ABLIM1: variants seen among roughly 807,000 people sequenced by gnomAD.
The protein encoded by ABLIM1 is actin-binding LIM protein 1.
A neutral mutation model predicts 107.0 loss-of-function variants in ABLIM1; 40 were observed. The ratio of observed to expected loss-of-function variants is 0.37; its 90% CI spans 0.29 to 0.49. The LOEUF (loss-of-function observed/expected upper bound fraction) is 0.49. Ranked by LOEUF, ABLIM1 falls within the 20% of genes least tolerant of loss-of-function variation. The pLI is 0.97. For missense variants in ABLIM1, 857 were observed against 1,008.5 expected (o/e 0.85, Z 2.04); for synonymous variants, 357 against 357.3 (o/e 1.00, Z 0.01).
chr10:114,798,520 CCAGG>C, the ABLIM1 span, among the ~76,000 whole-genome samples: 2 of 149,534 alleles, frequency 1.3e-5, no homozygotes, highest in Non-Finnish European at 3.0e-5. Context: ...TTGCTTGAGC[CCAGG>C]AGTTCAAGAC....
rs150765816 is a variant in ABLIM1, at chr10:114,698,180, G to T, written c.-213+69881C>A. 1.3e-3 allele frequency among the ~76,000 whole-genome samples: 205 copies of T among 151,866 alleles called. 3 individuals carry two copies. Among genetic ancestry groups the T allele is most frequent in the African/African-American group, 4.6e-3 (192 of 41,430 alleles). ...AGATAATTTAAGCAACAGAAGAAAA[G>T]AACTAAATAAAAATTCAAATTGATA... On this transcript the variant is annotated intron_variant, in intron 1 of 15. Transcript: ENST00000651092.
chr10:114,769,426 A>AGAAAGAAAAGAAG (rs2082985982), upstream of ABLIM1, among the ~76,000 whole-genome samples: 1 of 10,694 alleles, frequency 9.4e-5, no homozygotes, highest in Non-Finnish European at 2.8e-4. Flanking sequence ...AAAGAAGGAA[A>AGAAAGAAAAGAAG]GAAAGAAAGA....
In ABLIM1 at chr10:114,671,925, C is replaced by T. The variant is rs191961371; in HGVS notation, c.64+12365G>A. ...CCACTCAGGCTGGAGTGCAGTGGCA[C>T]GATCATAGCTCAATGCAGCCTCCAA... On this transcript the variant is annotated intron_variant, in intron 1 of 23. Coordinates refer to the ABLIM1 transcript ENST00000369256. Among the ~76,000 whole-genome samples, 829 of 151,114 alleles carry T rather than the reference C, an allele frequency of 5.5e-3. 6 individuals are homozygous for T. Among genetic ancestry groups the T allele is most frequent in the African/African-American group, 0.019 (777 of 41,116 alleles).
At chr10:114,512,203 C>T (rs1160839179) in intron 6 of ABLIM1, among the ~76,000 whole-genome samples, 1 of 152,088 alleles carries the variant, frequency 6.6e-6, no homozygotes, top group Non-Finnish European at 1.5e-5. Context: ...TGTTTTTTTC[C>T]TGTGCGTAAA....
intron 6 of ABLIM1, among the ~76,000 whole-genome samples, chr10:114,512,897 A>C (rs1408022210): frequency 6.6e-6 from 1 of 150,446 alleles, no homozygotes; most frequent in Non-Finnish European, 1.5e-5. Flanking sequence ...GGAAGGAAGG[A>C]AGGAAGGAAG....
exon 1 of ABLIM1, chr10:114,684,605 C>T: frequency 7.7e-7 from 1 of 1,292,914 alleles, no homozygotes; most frequent in African/African-American, 1.5e-5. Context: ...CTCGACCCTG[C>T]CCCTACCACT....
intron 1 of ABLIM1, among the ~76,000 whole-genome samples, chr10:114,725,168 G>A (rs557917999): frequency 3.9e-5 from 6 of 151,924 alleles, no homozygotes; most frequent in South Asian, 2.1e-4. Flanking sequence ...ATATCCCTCC[G>A]AATTTAAAGA....
At chr10:114,542,547 GGGA>G (rs770211989) in intron 6 of ABLIM1, among the ~76,000 whole-genome samples, 110 of 151,732 alleles carry the variant, frequency 7.2e-4, no homozygotes, top group Non-Finnish European at 1.4e-3. Context: ...GGAGGGAGAA[GGGA>G]GGAGGAGGGA....
In ABLIM1 at chr10:114,453,386, A is replaced by C; in HGVS notation, c.1539T>G (p.His513Gln). The change falls in exon 13 of 23, where the codon CAT (histidine) becomes CAG (glutamine). Residue 513 changes from histidine (H) to glutamine (Q), a missense_variant. Physicochemically the swap from His to Gln is conservative, Grantham distance 24. Coordinates refer to ENST00000533213, the MANE Select transcript of ABLIM1 (RefSeq NM_002313.7). ...PTYAQAPKHFHVPDQGINIYR... is the reference protein window; with the variant it reads ...PTYAQAPKHFQVPDQGINIYR... ...GACTGTGTCAGCTCCTACCTGGAAC[A>C]TGGAAATGTTTAGGGGCCTGAGCGT... is the stretch of plus-strand genomic sequence containing the variant. 6.2e-7 allele frequency: 1 copy of C among 1,614,014 alleles called. No individual in the cohort carries two copies. The highest frequency in any genetic ancestry group is 8.5e-7 in the Non-Finnish European group (1 of 1,179,950).
the ABLIM1 span, among the ~76,000 whole-genome samples, chr10:114,782,469 A>G: frequency 1.6e-4 from 24 of 152,294 alleles, no homozygotes; most frequent in African/African-American, 5.8e-4. Flanking sequence ...CGTGAGATGG[A>G]GGGCAAGCCT....
chr10:114,541,840 A>G (rs538823784), intron 6 of ABLIM1, among the ~76,000 whole-genome samples: 2 of 152,224 alleles, frequency 1.3e-5, no homozygotes, highest in South Asian at 4.1e-4. Context: ...ATGTTCTTGG[A>G]TCTAGCTTTA....
At chr10:114,744,644 T>C (rs1044363946) in intron 1 of ABLIM1, among the ~76,000 whole-genome samples, 2 of 152,126 alleles carry the variant, frequency 1.3e-5, no homozygotes, top group African/African-American at 4.8e-5. Flanking sequence ...AGACCCTGTC[T>C]CAAAGAAAAT....
At position 114,432,724 on chromosome 10, in the gene ABLIM1, G is replaced by A. The variant is rs1005608610; in HGVS notation, c.*3536C>T. The A allele has an allele frequency of 3.3e-5, 5 of 152,210 alleles. No individual in the cohort carries two copies. The highest frequency in any genetic ancestry group is 1.3e-4 in the Admixed American group (2 of 15,282). The allele number at this position is 152,210 out of a possible 1,614,324, so 9.4% of individuals were successfully genotyped here. Reference sequence around the variant, plus strand: ...CCTCTGCCTCAGAAGAGGAAACTCAGCTTGGAGATGACAGAATTGGGTAGC... The same window carrying A: ...CCTCTGCCTCAGAAGAGGAAACTCAACTTGGAGATGACAGAATTGGGTAGC... On this transcript the variant is annotated 3_prime_UTR_variant, in exon 23 of 23. Transcript: ENST00000533213.
At position 114,444,355 on chromosome 10, in the gene ABLIM1, A is replaced by C. The variant is rs114896693; in HGVS notation, c.1828-221T>G. Among the ~76,000 whole-genome samples, 1,011 of 152,168 alleles carry C rather than the reference A, an allele frequency of 6.6e-3. 9 individuals carry two copies. Among genetic ancestry groups the C allele is most frequent in the African/African-American group, 0.023 (969 of 41,482 alleles). On this transcript the variant is annotated intron_variant, in intron 16 of 22. Transcript: ENST00000533213. ...TCAGTTTCAAAGCTCCATTTCCCTA[A>C]GTCAGGCTCTGTGTTAGAAGAACGT...
chr10:114,564,170 C>A (rs2070280344), intron 4 of ABLIM1, among the ~76,000 whole-genome samples: 1 of 151,726 alleles, frequency 6.6e-6, no homozygotes, highest in African/African-American at 2.4e-5. Flanking sequence ...CTCCAGGCAT[C>A]CCTGGACCCG....
At chr10:114,505,216 T>C (rs1459832737) in intron 6 of ABLIM1, among the ~76,000 whole-genome samples, 1 of 152,204 alleles carries the variant, frequency 6.6e-6, no homozygotes, top group Admixed American at 6.5e-5. Context: ...ACTCAGACAC[T>C]GCCCTAACAC....
chr10:114,461,725 A>G (rs1423499460), intron 12 of ABLIM1, among the ~76,000 whole-genome samples: 1 of 152,150 alleles, frequency 6.6e-6, no homozygotes, highest in African/African-American at 2.4e-5. Flanking sequence ...AGGCTGAGGC[A>G]TAAGAATCGC....
intron 6 of ABLIM1, among the ~76,000 whole-genome samples, chr10:114,530,660 A>G (rs2065352087): frequency 6.6e-6 from 1 of 152,086 alleles, no homozygotes; most frequent in Non-Finnish European, 1.5e-5. Flanking sequence ...CAGCCTCCCA[A>G]GTAGCTGGGA....
chr10:114,636,427 A>G (rs2078482963), intron 1 of ABLIM1, among the ~76,000 whole-genome samples: 1 of 152,226 alleles, frequency 6.6e-6, no homozygotes, highest in African/African-American at 2.4e-5. Flanking sequence ...CTGCATTTCA[A>G]GGTACAGCAT....
Sources: allele counts gnomAD v4.1 joint callset (sites outside exome capture counted in the v4.1 genomes callset), GRCh38; gene constraint gnomAD v4.1.1; transcripts MANE v1.5; gene names NCBI Gene and HGNC (gene_info 2026-07-23, HGNC 2026-07-21).